CHAC2: variants seen among roughly 807,000 people sequenced by gnomAD.
The protein encoded by CHAC2 is ChaC glutathione specific gamma-glutamylcyclotransferase 2, also known as glutathione-specific gamma-glutamylcyclotransferase 2.
CHAC2 carries 20 observed loss-of-function variants against 16.9 expected under a neutral mutation model. The observed-to-expected ratio is 1.18, with a 90% CI of 0.83 to 1.72. The LOEUF is 1.72. CHAC2 is among the 40% of genes most tolerant of loss of function. The pLI is 0.00. For missense variants in CHAC2, 269 were observed against 222.2 expected (o/e 1.21, Z -1.34); for synonymous variants, 91 against 77.3 (o/e 1.18, Z -0.93).
Position 53,767,907 on chromosome 2 carries a change from G to C in CHAC2, c.21G>C (p.Gly7=). Residue 7 remains glycine, a synonymous_variant, in exon 1 of 3, where the codon GGG becomes GGC. Transcript: ENST00000295304. ...AGAAGATGTGGGTTTTTGGTTACGG[G>C]TCCCTGATCTGGAAGGTGGATTTCC... is the stretch of plus-strand genomic sequence containing the variant. MWVFGY[G]SLIWKVDFPY... 1 of 1,612,966 alleles carries C rather than the reference G, an allele frequency of 6.2e-7. No homozygotes were observed. Among genetic ancestry groups the C allele is most frequent in the Non-Finnish European group, 8.5e-7 (1 of 1,179,584 alleles).
chr2:53,774,071 A>AC (rs2104172327), intron 2 of CHAC2, 71 bp from the exon 3 acceptor site: 3 of 1,408,634 alleles, frequency 2.1e-6, no homozygotes, highest in Non-Finnish European at 2.9e-6. Context: ...ATACTCCCTT[A>AC]GATCACAACC....
At chr2:53,769,882 T>C (rs930580250) in intron 1 of CHAC2, among the ~76,000 whole-genome samples, 2 of 152,210 alleles carry the variant, frequency 1.3e-5, no homozygotes, top group African/African-American at 2.4e-5. Flanking sequence ...TCTGATCACC[T>C]AAGACTCAGA....
chr2:53,771,814 T>G lies in CHAC2; in HGVS notation c.136-93T>G, dbSNP rs181625791. 7.9e-6 allele frequency: 6 copies of G among 763,188 alleles called. No homozygotes were observed. In the African/African-American group the frequency reaches 8.8e-5, roughly 11 times the overall value. The allele number at this position is 763,188 out of a possible 1,614,324, so 47.3% of individuals were successfully genotyped here. A position where few individuals can be genotyped will look rare whatever the true frequency, so the allele number is the denominator to read the frequency against. ...TAGTGCTTCTTATGAGCAAATATAA[T>G]TCAAATATTCCATGTCAAAAATGTT... On this transcript the variant is annotated intron_variant, in intron 1 of 2. Coordinates refer to ENST00000295304, the MANE Select transcript of CHAC2 (RefSeq NM_001008708.4).
chr2:53,772,985 T>C (rs1054374552), intron 2 of CHAC2, among the ~76,000 whole-genome samples: 1 of 152,170 alleles, frequency 6.6e-6, no homozygotes, highest in African/African-American at 2.4e-5. Context: ...GTCATTTTAT[T>C]GGGGTACAGA....
chr2:53,767,841 C>T lies in CHAC2; in HGVS notation c.-46C>T. On this transcript the variant is annotated 5_prime_UTR_variant, in exon 1 of 3. Transcript: ENST00000295304. ...GAGGCTTCAGTCCCCGGCGGCGCGG[C>T]GACAGCTAGGGTTCACGGCCACTGG... The T allele has an allele frequency of 7.7e-6, 12 of 1,564,168 alleles. No homozygotes were observed. The highest frequency in any genetic ancestry group is 9.5e-6 in the Non-Finnish European group (11 of 1,152,188).
intron 1 of CHAC2, among the ~76,000 whole-genome samples, chr2:53,771,138 C>G (rs1673874269): frequency 6.6e-6 from 1 of 152,188 alleles, no homozygotes; most frequent in Non-Finnish European, 1.5e-5. Context: ...GTCAAGCCCT[C>G]TAGGTCATTT....
chr2:53,773,640 A>T (rs1674106274), intron 2 of CHAC2, among the ~76,000 whole-genome samples: 2 of 151,774 alleles, frequency 1.3e-5, no homozygotes, highest in East Asian at 2.0e-4. Flanking sequence ...CATCTTGGCC[A>T]GGCTGGTCTT....
chr2:53,773,312 C>G (rs76450804), intron 2 of CHAC2, among the ~76,000 whole-genome samples: 1 of 150,082 alleles, frequency 6.7e-6, no homozygotes, highest in Non-Finnish European at 1.5e-5. Context: ...GATAAAATAT[C>G]TTGCTGTGCC....
In CHAC2 at chr2:53,767,830, C is replaced by G. The variant is rs965734324; in HGVS notation, c.-57C>G. 7.7e-6 allele frequency: 12 copies of G among 1,552,696 alleles called. No individual in the cohort carries two copies. Among genetic ancestry groups the G allele is most frequent in the Non-Finnish European group, 1.0e-5 (12 of 1,145,928 alleles). On this transcript the variant is annotated 5_prime_UTR_variant, in exon 1 of 3. Coordinates refer to ENST00000295304, the MANE Select transcript of CHAC2 (RefSeq NM_001008708.4). ...CTCGCTTACCGGAGGCTTCAGTCCC[C>G]GGCGGCGCGGCGACAGCTAGGGTTC...
intron 2 of CHAC2, among the ~76,000 whole-genome samples, chr2:53,773,674 T>C (rs1674110819): frequency 6.6e-6 from 1 of 151,334 alleles, no homozygotes. Flanking sequence ...CGTGATCCAC[T>C]CACCTCGGCC....
At chr2:53,772,077 G>GTGGGT in intron 2 of CHAC2, 135 bp downstream of exon 2, 1 of 579,136 alleles carries the variant, frequency 1.7e-6, no homozygotes. Context: ...GTATTTGTGG[G>GTGGGT]TTTTTTTTGT....
chr2:53,769,309 G>C (rs1673723612), intron 1 of CHAC2, among the ~76,000 whole-genome samples: 1 of 152,214 alleles, frequency 6.6e-6, no homozygotes, highest in South Asian at 2.1e-4. Context: ...CCAGGAGTTT[G>C]AGAGTTGTCA....
chr2:53,774,491 G>C lies in CHAC2; in HGVS notation c.521G>C (p.Arg174Pro). 1 of 1,569,130 alleles carries C rather than the reference G, an allele frequency of 6.4e-7. No homozygotes were observed. Residue 174 changes from arginine (R) to proline (P), a missense_variant, in exon 3 of 3, where the codon CGT becomes CCT. By Grantham distance (103) the Arg-to-Pro change is moderately radical. Transcript: ENST00000295304. ...LFALEKLVKE[R>P]LEGKQNLNCI is the part of the protein sequence containing the mutation. ...GCTTTGGAAAAATTAGTAAAGGAAC[G>C]TTTAGAAGGGAAACAGAACCTCAAT...
At chr2:53,770,021 C>T (rs17045215) in intron 1 of CHAC2, among the ~76,000 whole-genome samples, 1 of 152,138 alleles carries the variant, frequency 6.6e-6, no homozygotes, top group East Asian at 1.9e-4. Context: ...ATCTTCTCCA[C>T]AGCACACAGT....
At position 53,774,349 on chromosome 2, in the gene CHAC2, A is replaced by G. The variant is rs775594694; in HGVS notation, c.379A>G (p.Ile127Val). Residue 127 changes from isoleucine to valine, a missense_variant, in exon 3 of 3, where the codon ATT becomes GTT. Physicochemically the swap from Ile to Val is conservative, Grantham distance 29. Transcript: ENST00000295304. ...DYLGPAPLED[I>V]AEQIFNAAGP... ...TCTTGGTCCTGCACCTCTGGAAGAC[A>G]TTGCTGAACAAATTTTTAATGCAGC... The G allele has an allele frequency of 1.2e-6, 2 of 1,613,300 alleles. No homozygotes were observed. Among genetic ancestry groups the G allele is most frequent in the Non-Finnish European group, 1.7e-6 (2 of 1,179,850 alleles).
chr2:53,767,815 G>C lies in CHAC2; in HGVS notation c.-72G>C. The C allele has an allele frequency of 2.0e-6, 3 of 1,531,674 alleles. No individual in the cohort carries two copies. The highest frequency in any genetic ancestry group is 1.8e-6 in the Non-Finnish European group (2 of 1,132,672). The allele number at this position is 1,531,674 out of a possible 1,614,324, so 94.9% of individuals were successfully genotyped here. On this transcript the variant is annotated 5_prime_UTR_variant, in exon 1 of 3. Transcript: ENST00000295304. ...CCGCGCGGCCGGTTACTCGCTTACC[G>C]GAGGCTTCAGTCCCCGGCGGCGCGG...
At chr2:53,769,659 C>A (rs1053502462) in intron 1 of CHAC2, among the ~76,000 whole-genome samples, 5 of 152,154 alleles carry the variant, frequency 3.3e-5, no homozygotes, top group African/African-American at 1.2e-4. Context: ...CCAGCCTGAC[C>A]AACATGGAGA....
intron 2 of CHAC2, among the ~76,000 whole-genome samples, chr2:53,772,594 G>T (rs1420110654): frequency 6.6e-6 from 1 of 151,912 alleles, no homozygotes; most frequent in African/African-American, 2.4e-5. Flanking sequence ...ACCCTTAAAA[G>T]CTCTCTTCAC....
In CHAC2 at chr2:53,767,876, G is replaced by A. The variant is rs534676362; in HGVS notation, c.-11G>A. ...GGTTCACGGCCACTGGGGCAGAGGA[G>A]CCGCGAGAAGATGTGGGTTTTTGGT... On this transcript the variant is annotated 5_prime_UTR_variant, in exon 1 of 3. Transcript: ENST00000295304. 110 of 1,601,694 alleles carry A rather than the reference G, an allele frequency of 6.9e-5. 5 individuals are homozygous for A. In the South Asian group the frequency reaches 1.1e-3, roughly 16 times the overall value.
Sources: gnomAD v4.1 joint callset for allele counts (sites outside exome capture counted in the v4.1 genomes callset) on GRCh38, gnomAD v4.1.1 for gene constraint, MANE v1.5 for transcripts, NCBI Gene and HGNC (gene_info 2026-07-23, HGNC 2026-07-21) for gene names.